PCDHGB1: variants seen among roughly 807,000 people sequenced by gnomAD.
PCDHGB1 encodes the protein protocadherin gamma-B1.
In PCDHGB1, 34 loss-of-function variants were observed where a neutral mutation model predicts 56.6. That is an observed-to-expected ratio of 0.60 (90% CI 0.46 to 0.80). PCDHGB1 has a LOEUF of 0.80. PCDHGB1 is among the 30% of genes least tolerant of loss of function. PCDHGB1 has a pLI of 0.00. For synonymous variants in PCDHGB1, 561 were observed against 505.9 expected (o/e 1.11, Z -1.46); for missense variants, 1,278 against 1,204.6 (o/e 1.06, Z -0.90).
chr5:141,490,061 A>G lies in PCDHGB1; in HGVS notation c.2410-4746A>G, dbSNP rs1562135413. On this transcript the variant is annotated intron_variant, in intron 1 of 3. Transcript: ENST00000523390. This position sits in a 1 kb window ranked among gnomAD's most constrained non-coding sequence, Gnocchi z 5.4. Reference sequence around the variant, plus strand: ...GCCACTGATCCAGACGAGGGCACCAACGGCCAACTAGACTATTCTTTTGGA... The same window carrying G: ...GCCACTGATCCAGACGAGGGCACCAGCGGCCAACTAGACTATTCTTTTGGA... 1.2e-6 allele frequency: 2 copies of G among 1,614,214 alleles called. No individual in the cohort carries two copies. Among genetic ancestry groups the G allele is most frequent in the East Asian group, 2.2e-5 (1 of 44,884 alleles).
chr5:141,459,028 C>T (rs373532898), intron 1 of PCDHGB1, among the ~76,000 whole-genome samples: 1 of 152,202 alleles, frequency 6.6e-6, no homozygotes, highest in Non-Finnish European at 1.5e-5. Context: ...CCACCACATC[C>T]AGCCTTACCA....
At position 141,431,574 on chromosome 5, in the gene PCDHGB1, G is replaced by T. The variant is rs1476143491; in HGVS notation, c.2410-63233G>T. The T allele has an allele frequency of 6.2e-7, 1 of 1,614,196 alleles. No homozygotes were observed. Among genetic ancestry groups the T allele is most frequent in the Admixed American group, 1.7e-5 (1 of 60,034 alleles). On this transcript the variant is annotated intron_variant, in intron 1 of 3. Transcript: ENST00000523390. This position sits in a 1 kb window ranked among gnomAD's most constrained non-coding sequence, Gnocchi z 4.8. The stretch of plus-strand genomic sequence containing the variant: ...GTCAACGCTACCGACCCTGACGAAG[G>T]AGTCAATGCGGAAGTGAGGTATTCC...
At chr5:141,377,657 C>T (rs946526132) in intron 1 of PCDHGB1, 5 of 151,160 alleles carry the variant, frequency 3.3e-5, no homozygotes, top group East Asian at 1.9e-4. Flanking sequence ...TAACTATAAA[C>T]GACAGACGTT....
At position 141,350,295 on chromosome 5, in the gene PCDHGB1, G is replaced by A. The variant is rs748197603; in HGVS notation, c.35G>A (p.Ser12Asn). The A allele has an allele frequency of 6.6e-7, 1 of 1,518,322 alleles. No individual in the cohort carries two copies. The highest frequency in any genetic ancestry group is 2.3e-5 in the Admixed American group (1 of 44,352). 94.1% of individuals were successfully genotyped at this position (1,518,322 alleles called of 1,614,324 possible). A position where few individuals can be genotyped will look rare whatever the true frequency, so the allele number is the denominator to read the frequency against. The change falls in exon 1 of 4, where the codon AGT (serine) becomes AAT (asparagine). Residue 12 changes from serine to asparagine, a missense_variant. Ser to Asn is a conservative substitution (Grantham distance 46). Transcript: ENST00000523390. ...GCCAGAGAAGCCGAAATGATGAAAAGTCAGGTACTGTTTCCCTTCCTGCTG... is the reference window on the plus strand; with the variant it reads ...GCCAGAGAAGCCGAAATGATGAAAAATCAGGTACTGTTTCCCTTCCTGCTG... ...QRAREAEMMK[S>N]QVLFPFLLSL...
intron 1 of PCDHGB1, chr5:141,366,233 A>G (rs1354193643): frequency 6.2e-7 from 1 of 1,613,674 alleles, no homozygotes; most frequent in Non-Finnish European, 8.5e-7. Flanking sequence ...CCTGCTGGAC[A>G]GAGACGCGCT....
intron 1 of PCDHGB1, chr5:141,393,519 A>G: frequency 6.2e-7 from 1 of 1,614,036 alleles, no homozygotes; most frequent in African/African-American, 1.3e-5. Flanking sequence ...GTTGGATACA[A>G]ATGACAATGC....
intron 1 of PCDHGB1, chr5:141,424,126 G>C: frequency 9.3e-6 from 5 of 538,222 alleles, no homozygotes; most frequent in Non-Finnish European, 1.2e-5. Flanking sequence ...TGATCCTGTT[G>C]ATTTAATAGC....
intron 2 of PCDHGB1, among the ~76,000 whole-genome samples, chr5:141,500,739 C>T (rs1199462920): frequency 6.6e-6 from 1 of 152,114 alleles, no homozygotes; most frequent in Non-Finnish European, 1.5e-5. Context: ...CAAAATTCTT[C>T]CCAAGTCATT....
chr5:141,358,582 C>G (rs554768302), intron 1 of PCDHGB1, among the ~76,000 whole-genome samples: 44 of 152,264 alleles, frequency 2.9e-4, no homozygotes, highest in Non-Finnish European at 5.4e-4. Flanking sequence ...TGTGTGATTC[C>G]TCTGGTGCAC....
At chr5:141,392,891 C>T in intron 1 of PCDHGB1, 1 of 1,613,594 alleles carries the variant, frequency 6.2e-7, no homozygotes. Flanking sequence ...TGTGGGAAAT[C>T]GGGAGGGGAC....
intron 1 of PCDHGB1, chr5:141,400,422 T>C (rs1460679509): frequency 1.2e-6 from 2 of 1,613,936 alleles, no homozygotes; most frequent in Non-Finnish European, 1.7e-6. Flanking sequence ...TCCTAAAATG[T>C]AGTGAGCAAT....
chr5:141,486,505 T>C lies in PCDHGB1; in HGVS notation c.2410-8302T>C. The C allele has an allele frequency of 6.2e-7, 1 of 1,614,156 alleles. No individual in the cohort carries two copies. ...GTACCCACAGAACTATTTTCCTCAA[T>C]ATTTCAGATGTGAATGATAATCCAC... is the stretch of plus-strand genomic sequence containing the variant. On this transcript the variant is annotated intron_variant, in intron 1 of 3. Coordinates refer to ENST00000523390, the MANE Select transcript of PCDHGB1 (RefSeq NM_018922.3). The surrounding 1 kb of genome is among the most constrained non-coding windows in gnomAD (Gnocchi z 5.0).
intron 1 of PCDHGB1, chr5:141,361,341 C>T (rs1561523324): frequency 6.2e-7 from 1 of 1,613,988 alleles, no homozygotes; most frequent in Non-Finnish European, 8.5e-7. Context: ...AGAACTATTA[C>T]AAACTAGTGA....
At position 141,389,707 on chromosome 5, in the gene PCDHGB1, A is replaced by G; in HGVS notation, c.2409+37038A>G. 1 of 1,612,620 alleles carries G rather than the reference A, an allele frequency of 6.2e-7. No homozygotes were observed. Among genetic ancestry groups the G allele is most frequent in the African/African-American group, 1.3e-5 (1 of 75,046 alleles). The stretch of plus-strand genomic sequence containing the variant: ...GCCTGGCTGTCCTACCACGTGCTGC[A>G]GGCTAGCGAGCCCGGGCTCTTCAGC... On this transcript the variant is annotated intron_variant, in intron 1 of 3. Coordinates refer to ENST00000523390, the MANE Select transcript of PCDHGB1 (RefSeq NM_018922.3).
chr5:141,397,910 C>T lies in PCDHGB1; in HGVS notation c.2409+45241C>T. 5 of 680,806 alleles carry T rather than the reference C, an allele frequency of 7.3e-6. No individual in the cohort carries two copies. The South Asian group carries it at 8.1e-5, about 11-fold the overall frequency. 42.2% of individuals were successfully genotyped at this position (680,806 alleles called of 1,614,324 possible). On this transcript the variant is annotated intron_variant, in intron 1 of 3. Transcript: ENST00000523390. ...TGGCCAAAGTGCAGAGCTTGGCGCT[C>T]CAGATCTCCTCGCGCAGCCGCAGCG...
At chr5:141,365,895 A>G in intron 1 of PCDHGB1, 1 of 1,614,212 alleles carries the variant, frequency 6.2e-7, no homozygotes, top group East Asian at 2.2e-5. Flanking sequence ...TCCTTCGACT[A>G]TGAGCAGTTG....
chr5:141,364,176 C>T, intron 1 of PCDHGB1: 2 of 835,076 alleles, frequency 2.4e-6, no homozygotes, highest in East Asian at 6.0e-5. Context: ...CGACTCTGCT[C>T]CCTCCATACT....
intron 1 of PCDHGB1, chr5:141,362,697 A>T: frequency 1.9e-6 from 2 of 1,057,626 alleles, no homozygotes; most frequent in South Asian, 3.5e-5. Flanking sequence ...TATCTAACTG[A>T]ATTTTAAGTG....
intron 1 of PCDHGB1, chr5:141,408,952 T>C (rs531696982): frequency 6.2e-7 from 1 of 1,613,544 alleles, no homozygotes; most frequent in African/African-American, 1.3e-5. Context: ...ATAGAATTAG[T>C]CTTAGTGAAA....
Sources: allele counts gnomAD v4.1 joint callset (sites outside exome capture counted in the v4.1 genomes callset), GRCh38; gene constraint gnomAD v4.1.1; non-coding constraint Gnocchi (gnomAD v3.1); transcripts MANE v1.5; gene names NCBI Gene and HGNC (gene_info 2026-07-23, HGNC 2026-07-21).